The following LINGO2 variants were observed in gnomAD, a reference collection of about 807,000 sequenced individuals.
The protein encoded by LINGO2 is leucine-rich repeat and immunoglobulin-like domain-containing nogo receptor-interacting protein 2.
LINGO2 carries 14 observed loss-of-function variants against 30.6 expected under a neutral mutation model. The ratio of observed to expected loss-of-function variants is 0.46; its 90% CI spans 0.30 to 0.72. The LOEUF (loss-of-function observed/expected upper bound fraction) is 0.72, where lower values mean the gene tolerates loss of function less well. Among genes scored for constraint, LINGO2 ranks in the 30% least tolerant of loss-of-function variants. LINGO2 has a pLI of 0.07. For synonymous variants in LINGO2, 317 were observed against 288.5 expected, an observed-to-expected ratio of 1.10 and a Z score of -1.00; for missense variants, 729 against 751.7, an observed-to-expected ratio of 0.97 and a Z score of 0.35.
chr9:28,837,430 G>A, the LINGO2 span, among the ~76,000 whole-genome samples: 2 of 151,378 alleles, frequency 1.3e-5, no homozygotes, highest in South Asian at 4.2e-4. Flanking sequence ...TGGATCACCT[G>A]AGGTCAGGAG....
chr9:28,407,092 G>A (rs1301366833), intron 2 of LINGO2, among the ~76,000 whole-genome samples: 2 of 152,008 alleles, frequency 1.3e-5, no homozygotes, highest in Non-Finnish European at 2.9e-5. Context: ...CCTATATATA[G>A]AGATGCATAT....
the LINGO2 span, among the ~76,000 whole-genome samples, chr9:29,186,253 T>C: frequency 7.9e-5 from 12 of 152,140 alleles, no homozygotes; most frequent in African/African-American, 2.9e-4. Flanking sequence ...TAAATTACCA[T>C]TAAACTCTAT....
intron 1 of LINGO2, among the ~76,000 whole-genome samples, chr9:28,617,320 G>A (rs1826175475): frequency 6.8e-6 from 1 of 147,126 alleles, no homozygotes; most frequent in South Asian, 2.1e-4. Flanking sequence ...TTTCGAGACA[G>A]AGTCTCGCTC....
At chr9:28,028,228 A>G (rs1029805474) in intron 4 of LINGO2, among the ~76,000 whole-genome samples, 1 of 152,226 alleles carries the variant, frequency 6.6e-6, no homozygotes, top group African/African-American at 2.4e-5. Flanking sequence ...TATATTGAAC[A>G]GAATTAGAAG....
chr9:28,117,731 C>T lies in LINGO2; in HGVS notation c.-86-105326G>A, dbSNP rs555353911. On this transcript the variant is annotated intron_variant, in intron 4 of 5. Transcript: ENST00000379992. ...GGAAAGGGAACTCCCTGACCCCTTG[C>T]GCTTCCCAGGTGAGGCAATGCCTTG... Among the ~76,000 whole-genome samples the T allele has an allele frequency of 9.7e-3, 1,417 of 145,830 alleles. 30 individuals are homozygous for T. The highest frequency in any genetic ancestry group is 0.033 in the African/African-American group (1,279 of 38,980).
intron 4 of LINGO2, among the ~76,000 whole-genome samples, chr9:28,257,237 T>C (rs1587338629): frequency 6.6e-6 from 1 of 152,040 alleles, no homozygotes; most frequent in Non-Finnish European, 1.5e-5. Flanking sequence ...AAGCGTCTCT[T>C]AGACTTATTC....
intron 4 of LINGO2, among the ~76,000 whole-genome samples, chr9:28,117,066 T>G (rs964585303): frequency 2.5e-5 from 3 of 122,342 alleles, no homozygotes; most frequent in Non-Finnish European, 3.5e-5. Flanking sequence ...TCTTTGATGA[T>G]GGTGATGTAC....
the LINGO2 span, among the ~76,000 whole-genome samples, chr9:29,053,542 C>T: frequency 2.0e-5 from 3 of 151,746 alleles, no homozygotes; most frequent in Non-Finnish European, 4.4e-5. Context: ...GCACATGTAC[C>T]CTAAAACTTA....
At chr9:28,326,243 G>C (rs1825224619) in intron 3 of LINGO2, among the ~76,000 whole-genome samples, 1 of 152,164 alleles carries the variant, frequency 6.6e-6, no homozygotes, top group Non-Finnish European at 1.5e-5. Context: ...CTGACCTCGT[G>C]ATCTGCCCAC....
At chr9:28,211,352 C>T (rs1437927592) in intron 4 of LINGO2, among the ~76,000 whole-genome samples, 3 of 150,194 alleles carry the variant, frequency 2.0e-5, no homozygotes, top group South Asian at 2.1e-4. Flanking sequence ...AATATAATCC[C>T]TCTCATCTCC....
chr9:27,950,285 G>A, exon 6 of LINGO2: 1 of 1,614,112 alleles, frequency 6.2e-7, no homozygotes, highest in Non-Finnish European at 8.5e-7. Context: ...TAGTGAGATT[G>A]GACAGCCCCG....
At chr9:28,505,436 C>G (rs1820069311) in intron 1 of LINGO2, among the ~76,000 whole-genome samples, 1 of 151,794 alleles carries the variant, frequency 6.6e-6, no homozygotes, top group African/African-American at 2.4e-5. Flanking sequence ...TTGTTTATAA[C>G]ATTTTATTAA....
the LINGO2 span, among the ~76,000 whole-genome samples, chr9:28,971,976 G>T: frequency 6.6e-6 from 1 of 152,248 alleles, no homozygotes; most frequent in African/African-American, 2.4e-5. Context: ...TTGGAAGAAA[G>T]TAAGGGAAGA....
the LINGO2 span, among the ~76,000 whole-genome samples, chr9:29,065,104 G>A: frequency 0.041 from 6,246 of 152,138 alleles, 196 homozygotes; most frequent in Admixed American, 0.082. Context: ...TTAGCCCTAA[G>A]ATACTCTCTC....
the LINGO2 span, among the ~76,000 whole-genome samples, chr9:28,868,837 T>C: frequency 1.3e-5 from 2 of 152,090 alleles, no homozygotes; most frequent in East Asian, 1.9e-4. Context: ...CACTGTGGTT[T>C]TGCAGATGAA....
At chr9:28,179,453 A>G (rs1420071628) in intron 4 of LINGO2, among the ~76,000 whole-genome samples, 1 of 138,146 alleles carries the variant, frequency 7.2e-6, no homozygotes, top group African/African-American at 2.6e-5. Context: ...GTATACATAT[A>G]CTATAGTGTA....
chr9:29,030,724 C>T, the LINGO2 span, among the ~76,000 whole-genome samples: 1 of 152,062 alleles, frequency 6.6e-6, no homozygotes, highest in East Asian at 1.9e-4. Flanking sequence ...ACAGGGTTTC[C>T]CACTGTAAAG....
intron 4 of LINGO2, among the ~76,000 whole-genome samples, chr9:28,085,644 T>C (rs1825888495): frequency 1.3e-5 from 2 of 151,470 alleles, no homozygotes; most frequent in Admixed American, 1.3e-4. Flanking sequence ...AGAATATCCC[T>C]ATAATATAGA....
At chr9:28,848,071 T>TA in the LINGO2 span, among the ~76,000 whole-genome samples, 1 of 18,402 alleles carries the variant, frequency 5.4e-5, no homozygotes, top group East Asian at 4.0e-3. Context: ...ATGTATATAA[T>TA]ATATATATAC....
Sources: allele counts gnomAD v4.1 joint callset (sites outside exome capture counted in the v4.1 genomes callset), GRCh38; gene constraint gnomAD v4.1.1; transcripts MANE v1.5; gene names NCBI Gene and HGNC (gene_info 2026-07-23, HGNC 2026-07-21).